Variants in EML6 observed in about 807,000 individuals in gnomAD.
EML6 encodes EMAP like 6.
EML6 carries 154 observed loss-of-function variants against 240.1 expected under a neutral mutation model. The ratio of observed to expected loss-of-function variants is 0.64; its 90% CI spans 0.56 to 0.73. The LOEUF (loss-of-function observed/expected upper bound fraction) is 0.73, where lower values mean the gene tolerates loss of function less well. EML6 is among the 30% of genes least tolerant of loss of function. EML6 has a pLI of 0.00. For missense variants in EML6, 2,964 were observed against 2,474.6 expected, an observed-to-expected ratio of 1.20 and a Z score of -4.20; for synonymous variants, 1,148 against 899.0, an observed-to-expected ratio of 1.28 and a Z score of -4.95.
chr2:54,781,174 G>T (rs530739748), intron 2 of EML6, among the ~76,000 whole-genome samples: 1 of 152,146 alleles, frequency 6.6e-6, no homozygotes, highest in South Asian at 2.1e-4. Context: ...TTTTACATGC[G>T]AGGCATAGAA....
intron 24 of EML6, among the ~76,000 whole-genome samples, chr2:54,904,297 G>A (rs888041538): frequency 6.6e-6 from 1 of 152,124 alleles, no homozygotes; most frequent in African/African-American, 2.4e-5. Context: ...TGCACTATAG[G>A]GTGAGTCACT....
Position 54,886,050 on chromosome 2 carries a change from C to CA in EML6, c.2439-5001dup, listed in dbSNP as rs576333980. Among the ~76,000 whole-genome samples the CA allele has an allele frequency of 2.0e-5, 3 of 150,986 alleles. No individual in the cohort carries two copies. The South Asian group carries it at 6.3e-4, about 32-fold the overall frequency. On this transcript the variant is annotated intron_variant, in intron 17 of 41. Coordinates refer to ENST00000356458, the MANE Select transcript of EML6 (RefSeq NM_001039753.4). ...ATTGTGGAAAATTTCAAAGTTATGC[C>CA]AAAGTAGAGGGAATAGCATAATGAA...
intron 24 of EML6, among the ~76,000 whole-genome samples, chr2:54,907,019 T>C (rs1673361246): frequency 1.3e-5 from 2 of 152,174 alleles, no homozygotes; most frequent in East Asian, 3.9e-4. Flanking sequence ...CTTGTGCCCA[T>C]GGCAACTACA....
chr2:54,891,913 A>G (rs944273549), intron 18 of EML6, among the ~76,000 whole-genome samples: 7 of 152,198 alleles, frequency 4.6e-5, no homozygotes, highest in Admixed American at 1.3e-4. Flanking sequence ...CTTGTCCCGT[A>G]TACTACCTTT....
At chr2:54,863,974 G>C in intron 13 of EML6, 85 bp downstream of exon 13, 1 of 704,572 alleles carries the variant, frequency 1.4e-6, no homozygotes, top group South Asian at 2.0e-5. Context: ...AAAATGACTG[G>C]CACTTAGACA....
intron 2 of EML6, among the ~76,000 whole-genome samples, chr2:54,779,968 G>A (rs1668778292): frequency 6.6e-6 from 1 of 151,854 alleles, no homozygotes; most frequent in African/African-American, 2.4e-5. Context: ...GGAACAAGAT[G>A]ATTGTAAAAC....
At chr2:54,869,991 G>T (rs1268585378) in intron 15 of EML6, among the ~76,000 whole-genome samples, 7 of 152,110 alleles carry the variant, frequency 4.6e-5, no homozygotes. Flanking sequence ...GCTGGCAAAA[G>T]AGTAATATTG....
intron 2 of EML6, among the ~76,000 whole-genome samples, chr2:54,742,588 G>A (rs948748917): frequency 1.6e-4 from 25 of 152,150 alleles, no homozygotes; most frequent in African/African-American, 3.4e-4. Context: ...TTATGCAGGC[G>A]ACTGGCCCCT....
In EML6 at chr2:54,957,852, G is replaced by T; in HGVS notation, c.4549G>T (p.Asp1517Tyr). 1 of 1,550,958 alleles carries T rather than the reference G, an allele frequency of 6.4e-7. No homozygotes were observed. The highest frequency in any genetic ancestry group is 8.7e-7 in the Non-Finnish European group (1 of 1,147,010). The change falls in exon 33 of 42, where the codon GAC becomes TAC. Residue 1517 changes from aspartate (D) to tyrosine (Y), a missense_variant. Physicochemically the swap from Asp to Tyr is radical, Grantham distance 160. Transcript: ENST00000356458. ...CATATTTGTGGTGGAATTTCGCCCC[G>T]ACTCAGACACGCAGTTTGTATCTGT... ...ERIFVVEFRP[D>Y]SDTQFVSVGV...
intron 2 of EML6, among the ~76,000 whole-genome samples, chr2:54,793,342 T>G (rs1669564817): frequency 6.6e-6 from 1 of 151,634 alleles, no homozygotes; most frequent in African/African-American, 2.4e-5. Flanking sequence ...ACGGATCAAC[T>G]TTATTTTCCT....
intron 3 of EML6, among the ~76,000 whole-genome samples, chr2:54,814,190 T>C (rs986865886): frequency 2.0e-5 from 3 of 152,350 alleles, no homozygotes; most frequent in Admixed American, 2.0e-4. Context: ...CATAGTCGAA[T>C]TGGACAAATC....
At chr2:54,893,752 T>C (rs1482943149) in intron 19 of EML6, among the ~76,000 whole-genome samples, 2 of 152,226 alleles carry the variant, frequency 1.3e-5, no homozygotes, top group African/African-American at 2.4e-5. Context: ...CTTTTACCTG[T>C]CCTTAGGCAA....
intron 5 of EML6, among the ~76,000 whole-genome samples, chr2:54,822,432 A>G (rs1201636907): frequency 6.6e-6 from 1 of 152,212 alleles, no homozygotes; most frequent in Non-Finnish European, 1.5e-5. Context: ...GAGCTGACTC[A>G]TTGCTGAGTA....
At chr2:54,796,202 C>T (rs1026759538) in intron 2 of EML6, among the ~76,000 whole-genome samples, 3 of 152,156 alleles carry the variant, frequency 2.0e-5, no homozygotes, top group Non-Finnish European at 4.4e-5. Flanking sequence ...CTCTCCATAT[C>T]TACATCTAAT....
chr2:54,933,830 C>G (rs938776912), intron 28 of EML6, among the ~76,000 whole-genome samples: 1 of 152,188 alleles, frequency 6.6e-6, no homozygotes, highest in African/African-American at 2.4e-5. Flanking sequence ...GGCTCAAAGT[C>G]TCAGCCAGTT....
intron 32 of EML6, among the ~76,000 whole-genome samples, chr2:54,955,694 C>A (rs958719874): frequency 6.6e-6 from 1 of 152,218 alleles, no homozygotes; most frequent in Non-Finnish European, 1.5e-5. Context: ...CTTGCTCACC[C>A]AGGGTCCCTT....
In EML6 at chr2:54,971,482, G is replaced by GTTTAGAGAAAAGGTA. The variant is rs1252684952; in HGVS notation, c.*1388_*1402dup. On this transcript the variant is annotated 3_prime_UTR_variant, in exon 42 of 42. Transcript: ENST00000356458. Reference sequence around the variant, plus strand: ...AGTTACTGGCTACTTGCATTTGTCAGTTTAGAGAAAAGGTAAAATGAGGCA... The same window carrying GTTTAGAGAAAAGGTA: ...AGTTACTGGCTACTTGCATTTGTCAGTTTAGAGAAAAGGTATTTAGAGAAAAGGTAAAATGAGGCA... 2.0e-5 allele frequency: 3 copies of GTTTAGAGAAAAGGTA among 152,204 alleles called. No individual in the cohort carries two copies. Among genetic ancestry groups the GTTTAGAGAAAAGGTA allele is most frequent in the African/African-American group, 7.2e-5 (3 of 41,444 alleles). The allele number at this position is 152,204 out of a possible 1,614,324, so 9.4% of individuals were successfully genotyped here.
intron 2 of EML6, among the ~76,000 whole-genome samples, chr2:54,795,219 G>A (rs1397438386): frequency 6.6e-6 from 1 of 152,170 alleles, no homozygotes; most frequent in East Asian, 1.9e-4. Context: ...ACTTCAGCAT[G>A]GGTGGGGAGG....
intron 19 of EML6, 43 bp from the exon 20 acceptor site, chr2:54,894,872 C>T: frequency 7.2e-7 from 1 of 1,388,536 alleles, no homozygotes. Flanking sequence ...GGTAATTGGT[C>T]ATTTTGATGT....
Sources: allele counts gnomAD v4.1 joint callset (sites outside exome capture counted in the v4.1 genomes callset), GRCh38; gene constraint gnomAD v4.1.1; transcripts MANE v1.5; gene names NCBI Gene and HGNC (gene_info 2026-07-23, HGNC 2026-07-21).